PRR16: variants seen among roughly 807,000 people sequenced by gnomAD.
PRR16 encodes the protein proline rich 16.
A neutral mutation model predicts 18.2 loss-of-function variants in PRR16; 6 were observed. That is an observed-to-expected ratio of 0.33 (90% CI 0.18 to 0.65). PRR16 has a LOEUF of 0.65. Ranked by LOEUF, PRR16 falls within the 30% of genes least tolerant of loss-of-function variation. The pLI, the probability that PRR16 is intolerant of heterozygous loss-of-function variation, is 0.74. For missense variants in PRR16, 412 were observed against 376.6 expected (o/e 1.09, Z -0.78); for synonymous variants, 151 against 147.8 (o/e 1.02, Z -0.16).
chr5:120,521,431 A>T (rs1751176833), intron 1 of PRR16, among the ~76,000 whole-genome samples: 1 of 152,088 alleles, frequency 6.6e-6, no homozygotes, highest in African/African-American at 2.4e-5. Flanking sequence ...TTTCCATATG[A>T]CCTGTATATG....
At chr5:120,665,945 T>C (rs1258577971) in intron 1 of PRR16, among the ~76,000 whole-genome samples, 2 of 152,264 alleles carry the variant, frequency 1.3e-5, no homozygotes, top group South Asian at 2.1e-4. Flanking sequence ...ATGTGGGCTC[T>C]TTTTTGGTTC....
At chr5:120,783,860 C>G in the PRR16 span, among the ~76,000 whole-genome samples, 1 of 151,892 alleles carries the variant, frequency 6.6e-6, no homozygotes, top group Non-Finnish European at 1.5e-5. Context: ...ACCCCTTTTT[C>G]CCCCCATTCC....
At chr5:120,671,179 A>C (rs12654817) in intron 1 of PRR16, among the ~76,000 whole-genome samples, 1 of 152,176 alleles carries the variant, frequency 6.6e-6, no homozygotes, top group African/African-American at 2.4e-5. Context: ...TAGAACTCTC[A>C]TTTAATTTTT....
chr5:120,719,542 G>C, the PRR16 span, among the ~76,000 whole-genome samples: 1 of 152,012 alleles, frequency 6.6e-6, no homozygotes, highest in Non-Finnish European at 1.5e-5. Context: ...ACTTGTTGCT[G>C]ATGGGAAGAT....
intron 1 of PRR16, among the ~76,000 whole-genome samples, chr5:120,645,536 T>C (rs1232710995): frequency 6.6e-6 from 1 of 152,062 alleles, no homozygotes; most frequent in Non-Finnish European, 1.5e-5. Flanking sequence ...AGATGAAAAA[T>C]ACATATTCCC....
chr5:120,480,772 CT>C (rs1749585008), intron 1 of PRR16, among the ~76,000 whole-genome samples: 1 of 152,128 alleles, frequency 6.6e-6, no homozygotes, highest in Admixed American at 6.5e-5. Context: ...AAACAAGATA[CT>C]ATTGTTAAAA....
At chr5:120,779,667 A>C in the PRR16 span, among the ~76,000 whole-genome samples, 1 of 152,152 alleles carries the variant, frequency 6.6e-6, no homozygotes, top group African/African-American at 2.4e-5. Flanking sequence ...GTATTACCCC[A>C]AAATAATTAA....
chr5:120,731,426 A>G, the PRR16 span, among the ~76,000 whole-genome samples: 91 of 152,260 alleles, frequency 6.0e-4, 1 homozygote, highest in African/African-American at 2.0e-3. Flanking sequence ...ACCACCTCAT[A>G]GAAACCAATT....
chr5:120,771,198 A>G, the PRR16 span, among the ~76,000 whole-genome samples: 1 of 152,096 alleles, frequency 6.6e-6, no homozygotes, highest in Non-Finnish European at 1.5e-5. Context: ...TACTTTAAAT[A>G]TATATTAAAC....
chr5:120,593,573 A>T (rs1375891588), intron 1 of PRR16, among the ~76,000 whole-genome samples: 2 of 152,074 alleles, frequency 1.3e-5, no homozygotes, highest in African/African-American at 2.4e-5. Context: ...TATCAGATGT[A>T]CAAAAAAAGA....
At chr5:120,758,341 A>T in the PRR16 span, among the ~76,000 whole-genome samples, 1 of 146,764 alleles carries the variant, frequency 6.8e-6, no homozygotes, top group Non-Finnish European at 1.5e-5. Flanking sequence ...CATAGGCCCC[A>T]TATGCATCAG....
At chr5:120,780,622 A>G in the PRR16 span, among the ~76,000 whole-genome samples, 1 of 152,220 alleles carries the variant, frequency 6.6e-6, no homozygotes, top group Non-Finnish European at 1.5e-5. Flanking sequence ...AAAAAATCCC[A>G]AATTAAGTCT....
chr5:120,788,801 G>C, the PRR16 span, among the ~76,000 whole-genome samples: 1 of 152,096 alleles, frequency 6.6e-6, no homozygotes, highest in Non-Finnish European at 1.5e-5. Flanking sequence ...CCTGTGTTCA[G>C]TGATTTTTCT....
intron 1 of PRR16, among the ~76,000 whole-genome samples, chr5:120,497,718 T>C (rs540075877): frequency 6.6e-6 from 1 of 152,006 alleles, no homozygotes; most frequent in African/African-American, 2.4e-5. Flanking sequence ...ATAATATTTG[T>C]CTCTCCTCAG....
At chr5:120,754,363 A>ATATATATATATATACTAT in the PRR16 span, among the ~76,000 whole-genome samples, 1 of 55,736 alleles carries the variant, frequency 1.8e-5, no homozygotes, top group Non-Finnish European at 2.8e-5. Flanking sequence ...GATGTATATA[A>ATATATATATATATACTAT]ATATATAATA....
At chr5:120,517,369 A>G (rs1465272926) in intron 1 of PRR16, among the ~76,000 whole-genome samples, 2 of 151,404 alleles carry the variant, frequency 1.3e-5, no homozygotes, top group African/African-American at 2.4e-5. Context: ...TTATTTTCCT[A>G]CTCTCCCTCA....
intron 1 of PRR16, among the ~76,000 whole-genome samples, chr5:120,538,342 T>C (rs1445951006): frequency 6.6e-6 from 1 of 152,186 alleles, no homozygotes; most frequent in African/African-American, 2.4e-5. Flanking sequence ...GCATTTTCAG[T>C]TGTATTTCTA....
intron 1 of PRR16, among the ~76,000 whole-genome samples, chr5:120,684,874 C>T (rs1185112426): frequency 6.6e-6 from 1 of 152,220 alleles, no homozygotes; most frequent in Non-Finnish European, 1.5e-5. Flanking sequence ...AACGTGGGTT[C>T]CCACCTGTCT....
At chr5:120,695,752 C>T in the PRR16 span, among the ~76,000 whole-genome samples, 1 of 152,144 alleles carries the variant, frequency 6.6e-6, no homozygotes, top group South Asian at 2.1e-4. Context: ...ACTGAGAAGG[C>T]TGCTCCAGCT....
Sources: gnomAD v4.1 joint callset for allele counts (sites outside exome capture counted in the v4.1 genomes callset) on GRCh38, gnomAD v4.1.1 for gene constraint, MANE v1.5 for transcripts, NCBI Gene and HGNC (gene_info 2026-07-23, HGNC 2026-07-21) for gene names.